The following DPP10 variants were observed in gnomAD, a reference collection of about 807,000 sequenced individuals.
DPP10 encodes the protein inactive dipeptidyl peptidase 10.
Under a neutral mutation model 120.9 loss-of-function variants are expected in DPP10, and 33 were observed. The ratio of observed to expected loss-of-function variants is 0.27; its 90% confidence interval spans 0.21 to 0.37. The LOEUF (loss-of-function observed/expected upper bound fraction) is 0.37. Among genes scored for constraint, DPP10 ranks in the 10% least tolerant of loss-of-function variants. The pLI is 1.00. For synonymous variants in DPP10, 337 were observed against 326.1 expected, an observed-to-expected ratio of 1.03 and a Z score of -0.36; for missense variants, 816 against 942.8, an observed-to-expected ratio of 0.87 and a Z score of 1.76.
At chr2:115,557,995 G>A (rs1225128668) in intron 5 of DPP10, among the ~76,000 whole-genome samples, 9 of 151,986 alleles carry the variant, frequency 5.9e-5, no homozygotes, top group Non-Finnish European at 1.3e-4. Flanking sequence ...ATCATCTCTG[G>A]GAACTTGGAC....
intron 2 of DPP10, among the ~76,000 whole-genome samples, chr2:115,324,788 T>C (rs1039054348): frequency 5.9e-5 from 9 of 152,222 alleles, no homozygotes; most frequent in Non-Finnish European, 7.3e-5. Flanking sequence ...ATGTGCCTTC[T>C]TCACTAAGCT....
intron 1 of DPP10, among the ~76,000 whole-genome samples, chr2:115,250,758 A>G (rs1343878857): frequency 6.6e-6 from 1 of 152,098 alleles, no homozygotes; most frequent in Non-Finnish European, 1.5e-5. Context: ...AGGTTCCCAC[A>G]TTGGCTTAGC....
intron 3 of DPP10, among the ~76,000 whole-genome samples, chr2:115,369,453 A>T (rs1220775322): frequency 1.3e-5 from 2 of 152,106 alleles, no homozygotes; most frequent in Non-Finnish European, 2.9e-5. Context: ...ATGATTACTT[A>T]AATATCAATT....
At chr2:115,300,052 T>G (rs2061055525) in intron 1 of DPP10, among the ~76,000 whole-genome samples, 1 of 152,050 alleles carries the variant, frequency 6.6e-6, no homozygotes, top group African/African-American at 2.4e-5. Context: ...CTAAAGACAT[T>G]TAATATATTG....
chr2:115,210,550 G>A (rs1210356061), intron 1 of DPP10, among the ~76,000 whole-genome samples: 1 of 152,008 alleles, frequency 6.6e-6, no homozygotes. Flanking sequence ...GGGATGGTTG[G>A]GTCAAATGGT....
intron 1 of DPP10, among the ~76,000 whole-genome samples, chr2:114,715,345 GA>G (rs1293646158): frequency 2.6e-5 from 4 of 152,180 alleles, no homozygotes; most frequent in Middle Eastern, 3.4e-3. Flanking sequence ...TCAGTGGAAG[GA>G]AAACTAATAC....
intron 19 of DPP10, among the ~76,000 whole-genome samples, chr2:115,801,308 T>C (rs1426253617): frequency 6.6e-5 from 10 of 152,238 alleles, no homozygotes; most frequent in Admixed American, 3.9e-4. Flanking sequence ...TTTGCTGAAG[T>C]TGCTTATCAG....
chr2:115,836,893 T>A, intron 24 of DPP10, 147 bp downstream of exon 24: 1 of 674,034 alleles, frequency 1.5e-6, no homozygotes, highest in Non-Finnish European at 2.5e-6. Flanking sequence ...TGATAGAAGG[T>A]GGGAAAAAAG....
At chr2:115,656,527 A>G (rs2088366353) in intron 5 of DPP10, among the ~76,000 whole-genome samples, 1 of 151,656 alleles carries the variant, frequency 6.6e-6, no homozygotes, top group Non-Finnish European at 1.5e-5. Flanking sequence ...TGTCGGTATG[A>G]GAAAGGAAAA....
At position 114,967,782 on chromosome 2, in the gene DPP10, A is replaced by ACATTATCATTAT. The variant is rs3981150; in HGVS notation, c.61-341438_61-341427dup. Among the ~76,000 whole-genome samples, 559 of 151,896 alleles carry ACATTATCATTAT rather than the reference A, an allele frequency of 3.7e-3. 1 individual carries two copies. The highest frequency in any genetic ancestry group is 0.013 in the African/African-American group (537 of 41,266). On this transcript the variant is annotated intron_variant, in intron 1 of 25. Transcript: ENST00000410059. ...ATCCTTATCGCCTCTGCCTTATTTA[A>ACATTATCATTAT]CATTATCATTATCATTATCATTATC...
intron 3 of DPP10, among the ~76,000 whole-genome samples, chr2:115,398,871 G>A (rs1371836538): frequency 6.6e-6 from 1 of 152,102 alleles, no homozygotes; most frequent in African/African-American, 2.4e-5. Flanking sequence ...AAATAGGGAT[G>A]TTTTAATTTA....
chr2:115,279,119 G>T (rs2060034472), intron 1 of DPP10, among the ~76,000 whole-genome samples: 1 of 152,118 alleles, frequency 6.6e-6, no homozygotes, highest in Non-Finnish European at 1.5e-5. Flanking sequence ...CAGCTGATAT[G>T]CCTTTAGGAA....
intron 1 of DPP10, among the ~76,000 whole-genome samples, chr2:114,739,485 C>T (rs780063287): frequency 6.6e-6 from 1 of 152,008 alleles, no homozygotes; most frequent in Non-Finnish European, 1.5e-5. Context: ...ATAGCAAAAC[C>T]CCATCTCTAC....
chr2:115,074,738 C>T (rs995056518), intron 1 of DPP10, among the ~76,000 whole-genome samples: 3 of 152,010 alleles, frequency 2.0e-5, no homozygotes, highest in African/African-American at 7.3e-5. Context: ...CTGGAGTCAA[C>T]TTATGTAAAT....
At chr2:115,741,818 G>A (rs1677311971) in intron 9 of DPP10, among the ~76,000 whole-genome samples, 1 of 152,056 alleles carries the variant, frequency 6.6e-6, no homozygotes, top group African/African-American at 2.4e-5. Flanking sequence ...TAGACTCATG[G>A]TGCTTGAACT....
intron 1 of DPP10, among the ~76,000 whole-genome samples, chr2:115,281,261 A>G (rs2060145295): frequency 6.6e-6 from 1 of 152,190 alleles, no homozygotes; most frequent in African/African-American, 2.4e-5. Flanking sequence ...TTTCATTTCA[A>G]AAACAAAAGT....
chr2:114,935,247 C>A (rs957426812), intron 1 of DPP10, among the ~76,000 whole-genome samples: 1 of 150,820 alleles, frequency 6.6e-6, no homozygotes. Flanking sequence ...CGTTTCCCTT[C>A]TGTTGAAAGC....
rs1467608605 is a variant in DPP10, at chr2:115,208,628, A to G, written c.61-100611A>G. Reference sequence around the variant, plus strand: ...ATTCAGTGTGCAAGTATTGATTTCCACTTATGTTCCAGGGACTGTAGCAGG... The same window carrying G: ...ATTCAGTGTGCAAGTATTGATTTCCGCTTATGTTCCAGGGACTGTAGCAGG... On this transcript the variant is annotated intron_variant, in intron 1 of 25. Transcript: ENST00000410059. Among the ~76,000 whole-genome samples the G allele has an allele frequency of 7.2e-5, 11 of 152,112 alleles. No homozygotes were observed. In the East Asian group the frequency reaches 1.7e-3, roughly 24 times the overall value.
At chr2:115,130,452 G>A (rs1049044983) in intron 1 of DPP10, among the ~76,000 whole-genome samples, 2 of 151,352 alleles carry the variant, frequency 1.3e-5, no homozygotes, top group African/African-American at 2.4e-5. Context: ...CCATCCAATC[G>A]GTATTATCCT....
Sources: allele counts gnomAD v4.1 joint callset (sites outside exome capture counted in the v4.1 genomes callset), GRCh38; gene constraint gnomAD v4.1.1; transcripts MANE v1.5; gene names NCBI Gene and HGNC (gene_info 2026-07-23, HGNC 2026-07-21).